The following RP1L1 variants were observed in gnomAD, a reference collection of about 807,000 sequenced individuals.
RP1L1 encodes the protein RP1 like 1.
Under a neutral mutation model 15.7 loss-of-function variants are expected in RP1L1, and 27 were observed. The observed-to-expected ratio is 1.72, with a 90% CI of 1.27 to 2.38. The LOEUF (loss-of-function observed/expected upper bound fraction) is 2.38. RP1L1 is among the 30% of genes most tolerant of loss of function. The pLI is 0.00. For synonymous variants in RP1L1, 1,813 were observed against 1,276.7 expected (o/e 1.42, Z -8.96); for missense variants, 4,798 against 3,075.9 (o/e 1.56, Z -13.24).
At chr8:10,640,241 G>A (rs1217898394) in intron 1 of RP1L1, among the ~76,000 whole-genome samples, 3 of 152,166 alleles carry the variant, frequency 2.0e-5, no homozygotes, top group South Asian at 2.1e-4. Context: ...GTCAGGCCTC[G>A]TCTACCTCAC....
chr8:10,646,543 C>G (rs1798481157), intron 1 of RP1L1, among the ~76,000 whole-genome samples: 2 of 152,128 alleles, frequency 1.3e-5, no homozygotes, highest in Admixed American at 1.3e-4. Flanking sequence ...TTCCAGGTCC[C>G]CAGTGTGGGC....
At chr8:10,634,695 C>A (rs1391247456) in intron 1 of RP1L1, among the ~76,000 whole-genome samples, 1 of 152,172 alleles carries the variant, frequency 6.6e-6, no homozygotes, top group Non-Finnish European at 1.5e-5. Flanking sequence ...AGTCCACAGG[C>A]CCAGGGACAG....
Position 10,612,004 on chromosome 8 carries a change from A to T in RP1L1, c.2094T>A (p.Asp698Glu). The T allele has an allele frequency of 6.2e-7, 1 of 1,613,796 alleles. No homozygotes were observed. The highest frequency in any genetic ancestry group is 8.5e-7 in the Non-Finnish European group (1 of 1,179,968). Reference protein sequence around the residue: ...RPPERRRACQDGSVPRYSGSS... With the variant: ...RPPERRRACQEGSVPRYSGSS... ...TTCCAGAATATCGTGGCACTGAGCC[A>T]TCCTGGCAGGCCCTTCGCCGCTCAG... Residue 698 changes from aspartate (D) to glutamate (E), a missense_variant, in exon 4 of 4, where the codon GAT becomes GAA. Asp to Glu is a conservative substitution (Grantham distance 45, BLOSUM62 2). Coordinates refer to ENST00000382483, the MANE Select transcript of RP1L1 (RefSeq NM_178857.6).
intron 2 of RP1L1, 139 bp from the exon 3 acceptor site, chr8:10,616,726 G>GTGGATAAGACCCCTCCTT: frequency 1.3e-5 from 13 of 1,017,732 alleles, no homozygotes; most frequent in Non-Finnish European, 1.8e-5. Context: ...GGTCCAAGGA[G>GTGGATAAGACCCCTCCTT]GGGTCTTATC....
chr8:10,607,440 C>G lies in RP1L1; in HGVS notation c.6658G>C (p.Glu2220Gln). ...ACGCCTTCTGGCTCTGGCTGGGCCTCCTCTTCAGCCTCCGGGGCCTCTACA... is the reference window on the plus strand; with the variant it reads ...ACGCCTTCTGGCTCTGGCTGGGCCTGCTCTTCAGCCTCCGGGGCCTCTACA... ...EGVEAPEAEE[E>Q]AQPEPEGVET... The change falls in exon 4 of 4, where the codon GAG becomes CAG. Residue 2220 changes from glutamate to glutamine, a missense_variant. By Grantham distance (29) the Glu-to-Gln change is conservative. Coordinates refer to ENST00000382483, the MANE Select transcript of RP1L1 (RefSeq NM_178857.6). 6.2e-7 allele frequency: 1 copy of G among 1,613,792 alleles called. No homozygotes were observed. The highest frequency in any genetic ancestry group is 8.5e-7 in the Non-Finnish European group (1 of 1,179,934).
At chr8:10,644,594 C>A (rs1798450065) in intron 1 of RP1L1, among the ~76,000 whole-genome samples, 1 of 152,214 alleles carries the variant, frequency 6.6e-6, no homozygotes, top group African/African-American at 2.4e-5. Flanking sequence ...AATTCATTCA[C>A]CTCCCTGGAC....
rs1563122756 is a variant in RP1L1, at chr8:10,610,162, TCCTTCTGTTC to T, written c.3926_3935del (p.Gly1309GlufsTer11). ...GCACCGCCTCTTCTTGCAGCCCTTC[TCCTTCTGTTC>T]CTTCTTTAGTTTCCTCTAATTGCAC... On this transcript the variant is annotated frameshift_variant, in exon 4 of 4. Transcript: ENST00000382483. LOFTEE classifies it low-confidence loss of function (END_TRUNC). 1.3e-6 allele frequency: 2 copies of T among 1,481,654 alleles called. No individual in the cohort carries two copies. Among genetic ancestry groups the T allele is most frequent in the African/African-American group, 3.1e-5 (2 of 65,340 alleles). The allele number at this position is 1,481,654 out of a possible 1,614,324, so 91.8% of individuals were successfully genotyped here.
chr8:10,652,877 T>TGCCTA (rs1798583230), intron 1 of RP1L1, among the ~76,000 whole-genome samples: 1 of 152,164 alleles, frequency 6.6e-6, no homozygotes, highest in African/African-American at 2.4e-5. Context: ...ACAGAGCAGG[T>TGCCTA]GCCTAGCTAA....
In RP1L1 at chr8:10,608,733, C is replaced by T. The variant is rs749426971; in HGVS notation, c.5365G>A (p.Glu1789Lys). 3.7e-6 allele frequency: 6 copies of T among 1,614,256 alleles called. No homozygotes were observed. The East Asian group carries it at 6.7e-5, about 18-fold the overall frequency. The change falls in exon 4 of 4, where the codon GAA becomes AAA. Residue 1789 changes from glutamate to lysine, a missense_variant. Coordinates refer to ENST00000382483, the MANE Select transcript of RP1L1 (RefSeq NM_178857.6). ...SETSAGSELG[E>K]AEQEGEGISE... The stretch of plus-strand genomic sequence containing the variant: ...ATGCCCTCTCCCTCCTGCTCAGCTT[C>T]CCCCAACTCACTGCCCGCACTGGTT...
At position 10,606,890 on chromosome 8, in the gene RP1L1, C is replaced by G. The variant is rs746478698; in HGVS notation, c.*5G>C. ...GCTCGTGATTGTTTTCTAGCTTGAT[C>G]TTGTCTAGAAATCTAAGTCATCTTG... On this transcript the variant is annotated 3_prime_UTR_variant, in exon 4 of 4. Coordinates refer to ENST00000382483, the MANE Select transcript of RP1L1 (RefSeq NM_178857.6). 3 of 1,614,050 alleles carry G rather than the reference C, an allele frequency of 1.9e-6. No homozygotes were observed. The highest frequency in any genetic ancestry group is 3.3e-5 in the Admixed American group (2 of 60,012).
At chr8:10,638,180 C>T (rs116342620) in intron 1 of RP1L1, among the ~76,000 whole-genome samples, 1 of 152,226 alleles carries the variant, frequency 6.6e-6, no homozygotes, top group Non-Finnish European at 1.5e-5. Flanking sequence ...CGATTACACA[C>T]GTGAACCCAA....
In RP1L1 at chr8:10,609,428, GC is replaced by G; in HGVS notation, c.4669del (p.Ala1557ArgfsTer107). The G allele has an allele frequency of 6.2e-7, 1 of 1,612,140 alleles. No homozygotes were observed. Among genetic ancestry groups the G allele is most frequent in the Non-Finnish European group, 8.5e-7 (1 of 1,179,896 alleles). On this transcript the variant is annotated frameshift_variant, in exon 4 of 4. Transcript: ENST00000382483. LOFTEE classifies it low-confidence loss of function (END_TRUNC). ...LQDNDLLDQM[A>X]AELQQDVAQR... Reference sequence around the variant, plus strand: ...GGCCACGTCCTGCTGCAGCTCGGCCGCCATCTGGTCCAGCAGATCATTGTCC... The same window carrying G: ...GGCCACGTCCTGCTGCAGCTCGGCCGCATCTGGTCCAGCAGATCATTGTCC...
intron 1 of RP1L1, among the ~76,000 whole-genome samples, chr8:10,646,907 A>G (rs1245922203): frequency 6.6e-6 from 1 of 152,204 alleles, no homozygotes; most frequent in African/African-American, 2.4e-5. Context: ...ACTTGCAGTC[A>G]CTTTTCTCAA....
intron 1 of RP1L1, among the ~76,000 whole-genome samples, chr8:10,653,862 T>C (rs1334317043): frequency 6.6e-6 from 1 of 152,194 alleles, no homozygotes; most frequent in Non-Finnish European, 1.5e-5. Flanking sequence ...CTGTCTGAGA[T>C]GCATTTCTGG....
chr8:10,631,422 C>A (rs141672477), intron 1 of RP1L1, among the ~76,000 whole-genome samples: 2,044 of 149,120 alleles, frequency 0.014, 38 homozygotes, highest in Non-Finnish European at 0.022. Flanking sequence ...CACGCACACA[C>A]ACATGCGCGC....
intron 1 of RP1L1, among the ~76,000 whole-genome samples, chr8:10,625,483 G>A (rs1374935580): frequency 5.3e-5 from 8 of 151,972 alleles, no homozygotes; most frequent in African/African-American, 1.9e-4. Context: ...GTGCCCAGCT[G>A]GGGGTCAAGT....
At position 10,608,934 on chromosome 8, in the gene RP1L1, T is replaced by C. The variant is rs774078260; in HGVS notation, c.5164A>G (p.Thr1722Ala). ...AGCCCTCCCTCAGCTCCCTGGACAG[T>C]CCTAGTGCTCGTGGGGTCCGTGTGG... ...KTHTDPTSTR[T>A]VQGAEGGLGP... Residue 1722 changes from threonine (T) to alanine (A), a missense_variant, in exon 4 of 4, where the codon ACT (threonine) becomes GCT (alanine). Transcript: ENST00000382483. The C allele has an allele frequency of 6.2e-7, 1 of 1,613,982 alleles. No individual in the cohort carries two copies. Among genetic ancestry groups the C allele is most frequent in the Non-Finnish European group, 8.5e-7 (1 of 1,179,972 alleles).
intron 1 of RP1L1, among the ~76,000 whole-genome samples, chr8:10,647,971 A>T (rs1416913158): frequency 6.6e-6 from 1 of 152,024 alleles, no homozygotes; most frequent in Non-Finnish European, 1.5e-5. Flanking sequence ...GTGCACAAGG[A>T]ATCCAGATTC....
At chr8:10,628,336 C>G (rs1460391137) in intron 1 of RP1L1, among the ~76,000 whole-genome samples, 2 of 152,088 alleles carry the variant, frequency 1.3e-5, no homozygotes, top group Non-Finnish European at 2.9e-5. Context: ...TAGGTAATAG[C>G]CCCCCTCCCT....
Sources: allele counts gnomAD v4.1 joint callset (sites outside exome capture counted in the v4.1 genomes callset), GRCh38; gene constraint gnomAD v4.1.1; transcripts MANE v1.5; gene names NCBI Gene and HGNC (gene_info 2026-07-23, HGNC 2026-07-21).